Variants in ADAMTS19 observed in about 807,000 individuals in gnomAD.
The protein encoded by ADAMTS19 is A disintegrin and metalloproteinase with thrombospondin motifs 19.
Under a neutral mutation model 153.3 loss-of-function variants are expected in ADAMTS19, and 93 were observed. The ratio of observed to expected loss-of-function variants is 0.61; its 90% CI spans 0.51 to 0.72. The LOEUF (loss-of-function observed/expected upper bound fraction) is 0.72. Ranked by LOEUF, ADAMTS19 falls within the 30% of genes least tolerant of loss-of-function variation. The pLI is 0.00. For missense variants in ADAMTS19, 1,482 were observed against 1,552.1 expected, an observed-to-expected ratio of 0.95 and a Z score of 0.76; for synonymous variants, 600 against 556.6, an observed-to-expected ratio of 1.08 and a Z score of -1.10.
At chr5:129,707,032 A>G (rs948753874) in intron 21 of ADAMTS19, among the ~76,000 whole-genome samples, 2 of 152,232 alleles carry the variant, frequency 1.3e-5, no homozygotes, top group Non-Finnish European at 2.9e-5. Flanking sequence ...GCTTCAACAA[A>G]TACAGTTGAC....
At chr5:129,493,881 C>A (rs1034457877) in intron 2 of ADAMTS19, among the ~76,000 whole-genome samples, 1 of 151,764 alleles carries the variant, frequency 6.6e-6, no homozygotes, top group African/African-American at 2.4e-5. Context: ...TTATGACAAC[C>A]AAGATGGAAG....
chr5:129,461,387 A>C lies in ADAMTS19; in HGVS notation c.377A>C (p.Gln126Pro). 1 of 1,350,554 alleles carries C rather than the reference A, an allele frequency of 7.4e-7. No individual in the cohort carries two copies. Among genetic ancestry groups the C allele is most frequent in the South Asian group, 2.0e-5 (1 of 50,536 alleles). The allele number at this position is 1,350,554 out of a possible 1,614,324, so 83.7% of individuals were successfully genotyped here. The change falls in exon 2 of 23, where the codon CAG becomes CCG. Residue 126 changes from glutamine (Q) to proline (P), a missense_variant. Physicochemically the swap from Gln to Pro is moderately conservative, Grantham distance 76. Coordinates refer to ENST00000274487, the MANE Select transcript of ADAMTS19 (RefSeq NM_133638.6). The surrounding 1 kb of genome is among the most constrained non-coding windows in gnomAD (Gnocchi z 4.6). ...EGEEDEELES[Q>P]ELPRGSSGAA... ...GAGGAGGACGAGGAGCTCGAGTCGCAGGAGCTGCCGCGGGGATCCAGCGGG... is the reference window on the plus strand; with the variant it reads ...GAGGAGGACGAGGAGCTCGAGTCGCCGGAGCTGCCGCGGGGATCCAGCGGG...
intron 7 of ADAMTS19, among the ~76,000 whole-genome samples, chr5:129,560,026 T>C (rs564642222): frequency 4.3e-4 from 65 of 152,348 alleles, no homozygotes; most frequent in South Asian, 8.3e-4. Flanking sequence ...GACACACACT[T>C]AAGTTTTATT....
At chr5:129,698,772 A>G (rs2127155215) in intron 19 of ADAMTS19, among the ~76,000 whole-genome samples, 1 of 152,296 alleles carries the variant, frequency 6.6e-6, no homozygotes, top group African/African-American at 2.4e-5. Context: ...ATGGACTTAG[A>G]TTGGGATTAT....
chr5:129,518,079 A>ATCCAAC (rs1359879721), intron 3 of ADAMTS19, among the ~76,000 whole-genome samples: 2 of 152,070 alleles, frequency 1.3e-5, no homozygotes, highest in Non-Finnish European at 2.9e-5. Context: ...ATCCAACAAA[A>ATCCAAC]ACTCTCTGCC....
chr5:129,700,272 G>A (rs1463579168), intron 19 of ADAMTS19, among the ~76,000 whole-genome samples: 1 of 152,078 alleles, frequency 6.6e-6, no homozygotes, highest in Non-Finnish European at 1.5e-5. Flanking sequence ...GAATAATATT[G>A]GAGTCCTGAG....
At chr5:129,466,177 A>G (rs76568430) in intron 2 of ADAMTS19, among the ~76,000 whole-genome samples, 314 of 152,336 alleles carry the variant, frequency 2.1e-3, no homozygotes, top group African/African-American at 6.7e-3. Flanking sequence ...CTCTACTCTC[A>G]AAAGATGAGC....
At chr5:129,702,937 AAAAAATAT>A (rs1199180013) in intron 20 of ADAMTS19, among the ~76,000 whole-genome samples, 1 of 13,876 alleles carries the variant, frequency 7.2e-5, no homozygotes, top group African/African-American at 1.8e-4. Context: ...GCCAAAAAAA[AAAAAATAT>A]ATATATATAT....
rs78729088 is a variant in ADAMTS19 at position 129,478,605 on chromosome 5, G to A, written c.747+16848G>A. Among the ~76,000 whole-genome samples the A allele has an allele frequency of 2.9e-3, 438 of 152,210 alleles. 7 individuals are homozygous for A. Among genetic ancestry groups the A allele is most frequent in the African/African-American group, 0.01 (422 of 41,544 alleles). ...TCTGTCATCCAGTCTGGAGTGCAGC[G>A]GTGTGATCATAGCTCACTGCCACCT... On this transcript the variant is annotated intron_variant, in intron 2 of 22. Transcript: ENST00000274487.
At chr5:129,473,756 T>C (rs1750138289) in intron 2 of ADAMTS19, among the ~76,000 whole-genome samples, 1 of 152,090 alleles carries the variant, frequency 6.6e-6, no homozygotes, top group South Asian at 2.1e-4. Flanking sequence ...AAAATGAAAG[T>C]TCCTATGTAG....
chr5:129,714,488 A>G (rs1239392197), intron 21 of ADAMTS19, among the ~76,000 whole-genome samples: 2 of 152,006 alleles, frequency 1.3e-5, no homozygotes, highest in Admixed American at 6.6e-5. Context: ...CAAAATATGC[A>G]TAAGTATATA....
chr5:129,561,819 ACTATCTATCTAT>A (rs3071537), intron 7 of ADAMTS19, among the ~76,000 whole-genome samples: 3,002 of 148,170 alleles, frequency 0.02, 47 homozygotes, highest in East Asian at 0.046. Context: ...ATTTCACCCT[ACTATCTATCTAT>A]CTATCTATCT....
chr5:129,461,522 T>A lies in ADAMTS19; in HGVS notation c.512T>A (p.Val171Glu). 1 of 1,524,774 alleles carries A rather than the reference T, an allele frequency of 6.6e-7. No homozygotes were observed. The highest frequency in any genetic ancestry group is 1.4e-5 in the African/African-American group (1 of 71,566). The allele number at this position is 1,524,774 out of a possible 1,614,324, so 94.5% of individuals were successfully genotyped here. ...AQHAEPDGDE[V>E]LLRIPAFSRD... ...CATGCCGAGCCGGATGGCGACGAAG[T>A]GTTGCTGCGGATCCCGGCCTTCTCT... The change falls in exon 2 of 23, where the codon GTG (valine) becomes GAG (glutamate). Residue 171 changes from valine to glutamate, a missense_variant. Around this residue, in one of 2 missense-constraint regions of ADAMTS19, gnomAD observed 866 missense variants for 827.7 expected, o/e 1.05. Transcript: ENST00000274487. This position sits in a 1 kb window ranked among gnomAD's most constrained non-coding sequence, Gnocchi z 4.6.
At chr5:129,536,706 T>C (rs1269560233) in intron 6 of ADAMTS19, among the ~76,000 whole-genome samples, 2 of 152,122 alleles carry the variant, frequency 1.3e-5, no homozygotes, top group South Asian at 2.1e-4. Flanking sequence ...ATGTGGCACA[T>C]ATACACATGG....
At chr5:129,587,203 G>T (rs1207130848) in intron 7 of ADAMTS19, among the ~76,000 whole-genome samples, 1 of 151,996 alleles carries the variant, frequency 6.6e-6, no homozygotes, top group Non-Finnish European at 1.5e-5. Context: ...TACTACTAGA[G>T]ATCATAATCT....
chr5:129,535,854 G>T (rs1165550268), intron 6 of ADAMTS19, among the ~76,000 whole-genome samples: 1 of 152,140 alleles, frequency 6.6e-6, no homozygotes, highest in Non-Finnish European at 1.5e-5. Context: ...AAACTGGCTA[G>T]CCATATGTAG....
intron 8 of ADAMTS19, among the ~76,000 whole-genome samples, chr5:129,614,992 C>T (rs1157438683): frequency 1.3e-5 from 2 of 152,094 alleles, no homozygotes; most frequent in Admixed American, 6.6e-5. Context: ...ACGTGAAGGA[C>T]CTCTTCAAGG....
At chr5:129,560,041 A>T (rs1012117579) in intron 7 of ADAMTS19, among the ~76,000 whole-genome samples, 2 of 152,214 alleles carry the variant, frequency 1.3e-5, no homozygotes, top group African/African-American at 4.8e-5. Context: ...TTTATTTGGT[A>T]TGAAAATGTC....
chr5:129,561,190 G>T (rs2126842285), intron 7 of ADAMTS19, among the ~76,000 whole-genome samples: 1 of 152,184 alleles, frequency 6.6e-6, no homozygotes, highest in African/African-American at 2.4e-5. Context: ...ATATTTTTGA[G>T]AGTTTCTTTG....
Sources: allele counts gnomAD v4.1 joint callset (sites outside exome capture counted in the v4.1 genomes callset), GRCh38; gene constraint gnomAD v4.1.1; regional missense constraint gnomAD v4.1.1; non-coding constraint Gnocchi (gnomAD v3.1); transcripts MANE v1.5; gene names NCBI Gene and HGNC (gene_info 2026-07-23, HGNC 2026-07-21).